ROBO1: variants seen among roughly 807,000 people sequenced by gnomAD.
ROBO1 encodes roundabout guidance receptor 1.
ROBO1 carries 149 observed loss-of-function variants against 195.9 expected under a neutral mutation model. That is an observed-to-expected ratio of 0.76 (90% CI 0.67 to 0.87). ROBO1 has a LOEUF of 0.87. Ranked by LOEUF, ROBO1 falls within the 40% of genes least tolerant of loss-of-function variation. The probability of loss-of-function intolerance (pLI) is 0.00; values close to 1 mark genes in which losing one functional copy is unlikely to be tolerated. For missense variants in ROBO1, 1,933 were observed against 2,068.3 expected (o/e 0.93, Z 1.27); for synonymous variants, 816 against 733.2 (o/e 1.11, Z -1.82).
chr3:79,575,149 A>AAAT lies in ROBO1; in HGVS notation c.88+14674_88+14675insATT, dbSNP rs1667396714. ...TATAAATATATATAACAAATATATA[A>AAAT]ATATATATATAACAAATATATATAA... On this transcript the variant is annotated intron_variant, in intron 2 of 30. Coordinates refer to ENST00000464233, the MANE Select transcript of ROBO1 (RefSeq NM_002941.4). Among the ~76,000 whole-genome samples the AAAT allele has an allele frequency of 6.3e-5, 3 of 47,604 alleles. 1 individual carries two copies. The highest frequency in any genetic ancestry group is 3.4e-4 in the African/African-American group (3 of 8,706). The allele number at this position is 47,604 out of a possible 152,430, so 31.2% of individuals were successfully genotyped here.
chr3:78,944,725 C>T (rs2107725217), intron 3 of ROBO1, among the ~76,000 whole-genome samples: 1 of 152,340 alleles, frequency 6.6e-6, no homozygotes, highest in East Asian at 1.9e-4. Flanking sequence ...ATTGCCTAAC[C>T]CAGGAAGCGC....
chr3:78,780,193 C>T (rs1302915415), intron 4 of ROBO1, among the ~76,000 whole-genome samples: 2 of 151,996 alleles, frequency 1.3e-5, no homozygotes, highest in Admixed American at 6.6e-5. Flanking sequence ...CACCATAGCA[C>T]GTGTATACCT....
At chr3:79,017,550 A>T (rs2077980334) in intron 3 of ROBO1, among the ~76,000 whole-genome samples, 1 of 151,614 alleles carries the variant, frequency 6.6e-6, no homozygotes, top group Non-Finnish European at 1.5e-5. Context: ...AAAGGAAAGA[A>T]ACAGAAGTTG....
At chr3:79,097,082 T>C (rs557854766) in intron 3 of ROBO1, among the ~76,000 whole-genome samples, 187 of 151,858 alleles carry the variant, frequency 1.2e-3, no homozygotes, top group African/African-American at 3.2e-3. Context: ...TTCCCCTAAA[T>C]AGCTGAAATA....
chr3:78,993,578 C>G (rs1480724020), intron 3 of ROBO1, among the ~76,000 whole-genome samples: 1 of 152,124 alleles, frequency 6.6e-6, no homozygotes, highest in Non-Finnish European at 1.5e-5. Flanking sequence ...AGTGAAAAGC[C>G]TTGACCTTTG....
intron 2 of ROBO1, among the ~76,000 whole-genome samples, chr3:79,399,489 T>C (rs2037282636): frequency 6.6e-6 from 1 of 152,192 alleles, no homozygotes; most frequent in Non-Finnish European, 1.5e-5. Flanking sequence ...TCCTCTGATA[T>C]ATCACTACTC....
chr3:78,757,483 T>C (rs2082967935), intron 4 of ROBO1, among the ~76,000 whole-genome samples: 1 of 151,706 alleles, frequency 6.6e-6, no homozygotes, highest in South Asian at 2.1e-4. Context: ...CTTTACCCTC[T>C]CAAGCCCACA....
rs1702987836 is a variant in ROBO1 at position 78,598,762 on chromosome 3, T to A, written c.*151A>T. 4.0e-6 allele frequency: 2 copies of A among 498,400 alleles called. No individual in the cohort carries two copies. The highest frequency in any genetic ancestry group is 7.2e-6 in the Non-Finnish European group (2 of 277,454). 30.9% of individuals were successfully genotyped at this position (498,400 alleles called of 1,614,324 possible). A position where few individuals can be genotyped will look rare whatever the true frequency, so the allele number is the denominator to read the frequency against. On this transcript the variant is annotated 3_prime_UTR_variant, in exon 31 of 31. Coordinates refer to ENST00000464233, the MANE Select transcript of ROBO1 (RefSeq NM_002941.4). ...AACAACAATAAAAACCCAATAAAGT[T>A]TTTAAAATGATATCCCAATAAGAGG...
chr3:79,444,299 G>GT (rs2107146257), intron 2 of ROBO1, among the ~76,000 whole-genome samples: 1 of 152,008 alleles, frequency 6.6e-6, no homozygotes, highest in South Asian at 2.1e-4. Context: ...AACAAAATGG[G>GT]TTTTTTGAAT....
chr3:79,073,155 T>G (rs1188888442), intron 3 of ROBO1, among the ~76,000 whole-genome samples: 3 of 152,006 alleles, frequency 2.0e-5, no homozygotes, highest in Non-Finnish European at 2.9e-5. Context: ...ATTACTAGTT[T>G]TGTTTGTTAT....
chr3:79,455,637 T>G (rs1381840167), intron 2 of ROBO1, among the ~76,000 whole-genome samples: 1 of 152,080 alleles, frequency 6.6e-6, no homozygotes, highest in Non-Finnish European at 1.5e-5. Flanking sequence ...GAAGAACTAT[T>G]TGACTCGTGG....
In ROBO1 at chr3:78,670,169, C is replaced by T; in HGVS notation, c.1475G>A (p.Gly492Glu). The stretch of plus-strand genomic sequence containing the variant: ...AGAGTCTTGGGTTGAAACGAGGACT[C>T]CATCCTTTCTCCACAGAATGGTGGG... ...PVPTILWRKD[G>E]VLVSTQDSRI... The change falls in exon 11 of 31, where the codon GGA (glycine) becomes GAA (glutamate). Residue 492 changes from glycine to glutamate, a missense_variant. This residue lies in a region of ROBO1 where 1,737 missense variants were observed against 1,882.5 expected (regional missense o/e 0.92). Transcript: ENST00000464233. The T allele has an allele frequency of 1.9e-6, 3 of 1,613,056 alleles. No individual in the cohort carries two copies. Among genetic ancestry groups the T allele is most frequent in the South Asian group, 1.1e-5 (1 of 90,902 alleles).
chr3:78,820,562 T>C (rs1010085503), intron 4 of ROBO1, among the ~76,000 whole-genome samples: 10 of 152,214 alleles, frequency 6.6e-5, no homozygotes, highest in African/African-American at 2.4e-4. Context: ...TAAAGATGTA[T>C]GGTATTAATT....
chr3:78,875,840 A>T (rs1352714087), intron 4 of ROBO1, among the ~76,000 whole-genome samples: 1 of 151,990 alleles, frequency 6.6e-6, no homozygotes, highest in Non-Finnish European at 1.5e-5. Flanking sequence ...AACTAAAAGA[A>T]AAAGGAGTTA....
intron 8 of ROBO1, chr3:78,693,448 G>T: frequency 1.1e-6 from 1 of 929,414 alleles, no homozygotes; most frequent in Non-Finnish European, 1.7e-6. Context: ...ACTTAACAAT[G>T]ATTCTTCTTT....
At chr3:79,573,846 A>G (rs897144395) in intron 2 of ROBO1, among the ~76,000 whole-genome samples, 1 of 152,204 alleles carries the variant, frequency 6.6e-6, no homozygotes, top group Non-Finnish European at 1.5e-5. Flanking sequence ...AATTTTAAAA[A>G]TATTACAGCA....
At chr3:79,492,775 T>C (rs560362489) in intron 2 of ROBO1, among the ~76,000 whole-genome samples, 12 of 152,216 alleles carry the variant, frequency 7.9e-5, no homozygotes, top group African/African-American at 2.9e-4. Context: ...ATCCACAACT[T>C]ACAAATTTTC....
intron 4 of ROBO1, among the ~76,000 whole-genome samples, chr3:78,791,528 C>T (rs564263412): frequency 2.0e-5 from 3 of 152,258 alleles, no homozygotes; most frequent in East Asian, 3.9e-4. Flanking sequence ...TAAAAACCTT[C>T]GCTGAGACAG....
At chr3:79,032,545 C>T (rs370078593) in intron 3 of ROBO1, among the ~76,000 whole-genome samples, 1 of 151,936 alleles carries the variant, frequency 6.6e-6, no homozygotes, top group Admixed American at 6.6e-5. Flanking sequence ...TCACTTACTA[C>T]CCTTTATGAA....
Sources: gnomAD v4.1 joint callset for allele counts (sites outside exome capture counted in the v4.1 genomes callset) on GRCh38, gnomAD v4.1.1 for gene constraint, gnomAD v4.1.1 regional missense constraint, MANE v1.5 for transcripts, NCBI Gene and HGNC (gene_info 2026-07-23, HGNC 2026-07-21) for gene names.